ERAP1: variants seen among roughly 807,000 people sequenced by gnomAD.
ERAP1 encodes the protein adipocyte-derived leucine aminopeptidase.
A neutral mutation model predicts 103.7 loss-of-function variants in ERAP1; 86 were observed. That is an observed-to-expected ratio of 0.83 (90% CI 0.70 to 0.99). The LOEUF (loss-of-function observed/expected upper bound fraction) is 0.99. Among genes scored for constraint, ERAP1 ranks in the 50% least tolerant of loss-of-function variants. The probability of loss-of-function intolerance (pLI) is 0.00; values close to 1 mark genes in which losing one functional copy is unlikely to be tolerated. For synonymous variants in ERAP1, 398 were observed against 402.4 expected, an observed-to-expected ratio of 0.99 and a Z score of 0.13; for missense variants, 1,009 against 1,128.4, an observed-to-expected ratio of 0.89 and a Z score of 1.52.
At chr5:96,766,183 C>A in intron 19 of ERAP1, 1 of 1,139,732 alleles carries the variant, frequency 8.8e-7, no homozygotes, top group Non-Finnish European at 1.3e-6. Flanking sequence ...ATTTATGCTA[C>A]CAAGATCTTT....
chr5:96,813,939 TG>T, the ERAP1 span: 1 of 178,918 alleles, frequency 5.6e-6, no homozygotes, highest in Non-Finnish European at 1.2e-5. Context: ...TCTAAGAAAA[TG>T]GCCCATTTCC....
At chr5:96,886,519 C>A in the ERAP1 span, 1 of 538,356 alleles carries the variant, frequency 1.9e-6, no homozygotes, top group Non-Finnish European at 2.9e-6. Context: ...CTAGGAGAGG[C>A]CATTGCCCCC....
At chr5:96,794,619 C>G (rs552372653) in intron 5 of ERAP1, among the ~76,000 whole-genome samples, 6 of 152,230 alleles carry the variant, frequency 3.9e-5, no homozygotes, top group African/African-American at 1.4e-4. Flanking sequence ...ATCAAACATA[C>G]AATAGTTTTA....
chr5:96,762,055 A>T (rs2150680921), exon 20 of ERAP1: 1 of 384,470 alleles, frequency 2.6e-6, no homozygotes, highest in South Asian at 7.7e-5. Flanking sequence ...ATTTAGAATA[A>T]TCAATATGAG....
the ERAP1 span, among the ~76,000 whole-genome samples, chr5:96,923,632 T>A: frequency 6.6e-6 from 1 of 150,424 alleles, no homozygotes; most frequent in Non-Finnish European, 1.5e-5. Context: ...AGGCAGAGCT[T>A]GCAGTGAGCC....
At chr5:96,912,621 A>G in the ERAP1 span, 15 of 1,573,320 alleles carry the variant, frequency 9.5e-6, no homozygotes, top group African/African-American at 4.2e-5. Flanking sequence ...CTTCATTTTT[A>G]TGCTTGATAT....
At chr5:96,905,974 TC>T in the ERAP1 span, among the ~76,000 whole-genome samples, 3 of 148,786 alleles carry the variant, frequency 2.0e-5, no homozygotes, top group Non-Finnish European at 4.4e-5. Context: ...AGACAGGGTC[TC>T]CCTATATTGT....
the ERAP1 span, among the ~76,000 whole-genome samples, chr5:96,901,074 T>C: frequency 6.6e-6 from 1 of 152,248 alleles, no homozygotes; most frequent in Non-Finnish European, 1.5e-5. Context: ...CCTCTATTGA[T>C]ATTAAATTGT....
At chr5:96,890,476 A>C in the ERAP1 span, among the ~76,000 whole-genome samples, 1 of 152,184 alleles carries the variant, frequency 6.6e-6, no homozygotes, top group African/African-American at 2.4e-5. Flanking sequence ...ATTGACAGGT[A>C]CTGGTCCGCA....
In ERAP1 at chr5:96,781,856, T is replaced by C; in HGVS notation, c.2286-2A>G. Reference sequence around the variant, plus strand: ...GCCAAGGTCACGTCGACAGGCAGGCTATAGAAAGGAACACACTCGGTGAGA... The same window carrying C: ...GCCAAGGTCACGTCGACAGGCAGGCCATAGAAAGGAACACACTCGGTGAGA... On this transcript the variant is annotated splice_acceptor_variant, in intron 15 of 18. Transcript: ENST00000443439. LOFTEE classifies it high-confidence loss of function. The C allele has an allele frequency of 1.2e-6, 2 of 1,613,626 alleles. No individual in the cohort carries two copies. The highest frequency in any genetic ancestry group is 1.7e-6 in the Non-Finnish European group (2 of 1,179,938).
At chr5:96,871,571 A>G in the ERAP1 span, among the ~76,000 whole-genome samples, 1 of 152,216 alleles carries the variant, frequency 6.6e-6, no homozygotes, top group African/African-American at 2.4e-5. Context: ...TTATTTTGCC[A>G]TCATTTTTCC....
Position 96,774,888 on chromosome 5 carries a change from T to G in ERAP1, c.*1508A>C. The G allele has an allele frequency of 1.0e-6, 1 of 985,036 alleles. No homozygotes were observed. Among genetic ancestry groups the G allele is most frequent in the African/African-American group, 1.7e-5 (1 of 57,340 alleles). 61.0% of individuals were successfully genotyped at this position (985,036 alleles called of 1,614,324 possible). On this transcript the variant is annotated 3_prime_UTR_variant, in exon 19 of 19. Transcript: ENST00000443439. The stretch of plus-strand genomic sequence containing the variant: ...AGAAGTCACTCTATTTTGTCGTGTA[T>G]TAGGGGAACACATTTTGACATTTTT...
chr5:96,829,048 A>G, the ERAP1 span, among the ~76,000 whole-genome samples: 94 of 152,144 alleles, frequency 6.2e-4, no homozygotes, highest in Middle Eastern at 6.8e-3. Context: ...AGGTTTCACC[A>G]TGTTGGCCAG....
At chr5:96,922,397 AG>A in the ERAP1 span, among the ~76,000 whole-genome samples, 1 of 152,232 alleles carries the variant, frequency 6.6e-6, no homozygotes. Context: ...GGAAAAGGAT[AG>A]AAAGAACACT....
the ERAP1 span, chr5:96,913,268 A>T: frequency 2.0e-6 from 3 of 1,488,254 alleles, no homozygotes; most frequent in Non-Finnish European, 2.8e-6. Context: ...GTTAATGTCC[A>T]TGTACATAAT....
chr5:96,814,660 T>C, the ERAP1 span, among the ~76,000 whole-genome samples: 1 of 152,280 alleles, frequency 6.6e-6, no homozygotes, highest in African/African-American at 2.4e-5. Flanking sequence ...TAGCTTATGC[T>C]CATCAGAAGT....
the ERAP1 span, among the ~76,000 whole-genome samples, chr5:96,831,905 C>T: frequency 0.095 from 14,434 of 152,272 alleles, 906 homozygotes; most frequent in Middle Eastern, 0.16. Context: ...ACTTTGAATA[C>T]AGTCAGAGAT....
At chr5:96,924,016 C>T in the ERAP1 span, among the ~76,000 whole-genome samples, 1 of 152,176 alleles carries the variant, frequency 6.6e-6, no homozygotes, top group Non-Finnish European at 1.5e-5. Flanking sequence ...GTATCTGTCA[C>T]TTACTCAAGG....
the ERAP1 span, among the ~76,000 whole-genome samples, chr5:96,882,389 G>T: frequency 3.7e-4 from 57 of 152,318 alleles, 2 homozygotes; most frequent in South Asian, 0.012. Context: ...GGCTATTCCT[G>T]ATGCTCCTTA....
Sources: gnomAD v4.1 joint callset for allele counts (sites outside exome capture counted in the v4.1 genomes callset) on GRCh38, gnomAD v4.1.1 for gene constraint, MANE v1.5 for transcripts, NCBI Gene and HGNC (gene_info 2026-07-23, HGNC 2026-07-21) for gene names.